The following SLC35F4 variants were observed in gnomAD, a reference collection of about 807,000 sequenced individuals.
SLC35F4 encodes the protein chromosome 14 open reading frame 36.
In SLC35F4, 24 loss-of-function variants were observed where a neutral mutation model predicts 44.2. The observed-to-expected ratio is 0.54, with a 90% CI of 0.39 to 0.76. SLC35F4 has a LOEUF of 0.76. Ranked by LOEUF, SLC35F4 falls within the 30% of genes least tolerant of loss-of-function variation. The pLI is 0.00. For missense variants in SLC35F4, 562 were observed against 586.1 expected, an observed-to-expected ratio of 0.96 and a Z score of 0.42; for synonymous variants, 238 against 223.6, an observed-to-expected ratio of 1.06 and a Z score of -0.57.
intron 4 of SLC35F4, among the ~76,000 whole-genome samples, chr14:57,573,876 T>G (rs2068645327): frequency 6.6e-6 from 1 of 152,214 alleles, no homozygotes; most frequent in Non-Finnish European, 1.5e-5. Context: ...GCATTGCATT[T>G]TCTAGGTCAA....
chr14:57,803,582 C>CTTT (rs532690276), intron 1 of SLC35F4, among the ~76,000 whole-genome samples: 1,163 of 79,272 alleles, frequency 0.015, 1 homozygote, highest in Non-Finnish European at 0.02. Context: ...AAAGCTTCTT[C>CTTT]TTTTTTTTTT....
rs565287478 is a variant in SLC35F4, at chr14:57,831,620, T to C, written c.103+34103A>G. Among the ~76,000 whole-genome samples the C allele has an allele frequency of 3.0e-4, 45 of 152,340 alleles. No homozygotes were observed. In the East Asian group the frequency reaches 7.7e-3, roughly 26 times the overall value. On this transcript the variant is annotated intron_variant, in intron 1 of 7. Coordinates refer to ENST00000556826, the MANE Select transcript of SLC35F4 (RefSeq NM_001306087.2). ...TAATCTATCCTGTGTTATTGTTTTCTGTGGAATTCTCAAGCAGCAAGAGGG... is the reference window on the plus strand; with the variant it reads ...TAATCTATCCTGTGTTATTGTTTTCCGTGGAATTCTCAAGCAGCAAGAGGG...
At chr14:57,650,153 T>C (rs1266871284) in intron 1 of SLC35F4, among the ~76,000 whole-genome samples, 2 of 152,096 alleles carry the variant, frequency 1.3e-5, no homozygotes, top group Non-Finnish European at 2.9e-5. Context: ...GTCCCTTCTC[T>C]ACTCTTCCTC....
intron 1 of SLC35F4, among the ~76,000 whole-genome samples, chr14:57,776,665 C>CAAAAAAAAAAAAAAAAAAAAAAAAAAA (rs57272978): frequency 1.4e-5 from 1 of 72,072 alleles, no homozygotes; most frequent in African/African-American, 4.6e-5. Context: ...GACTCCATCT[C>CAAAAAAAAAAAAAAAAAAAAAAAAAAA]AAAAAAAAAA....
intron 1 of SLC35F4, among the ~76,000 whole-genome samples, chr14:57,793,969 T>C (rs1162033545): frequency 6.6e-6 from 1 of 152,068 alleles, no homozygotes; most frequent in Non-Finnish European, 1.5e-5. Context: ...GGAAAGGACA[T>C]GCTATTCAAT....
At position 57,971,650 on chromosome 14, in the gene SLC35F4, C is replaced by A. The variant is rs547404359; in HGVS notation, n.282+10263G>T. Reference sequence around the variant, plus strand: ...TAATCTAGACACAGAAAAATAAACACAGTACTGTATGAGCTCACTTATAAG... The same window carrying A: ...TAATCTAGACACAGAAAAATAAACAAAGTACTGTATGAGCTCACTTATAAG... On this transcript the variant is annotated intron_variant and non_coding_transcript_variant, in intron 1 of 1. Coordinates refer to the SLC35F4 transcript ENST00000556568. Among the ~76,000 whole-genome samples, 4 of 152,170 alleles carry A rather than the reference C, an allele frequency of 2.6e-5. No individual in the cohort carries two copies. The East Asian group carries it at 7.7e-4, about 29-fold the overall frequency.
intron 1 of SLC35F4, among the ~76,000 whole-genome samples, chr14:57,681,439 T>C (rs1715417457): frequency 6.6e-6 from 1 of 152,074 alleles, no homozygotes; most frequent in African/African-American, 2.4e-5. Context: ...ACCTAGGCCA[T>C]GACATTCAGG....
intron 1 of SLC35F4, among the ~76,000 whole-genome samples, chr14:57,825,280 C>G (rs1295089509): frequency 2.6e-5 from 4 of 151,972 alleles, no homozygotes; most frequent in African/African-American, 9.7e-5. Context: ...ATGCTTAAGC[C>G]TTAGAAATGT....
chr14:57,927,468 T>G (rs1281029322), intron 1 of SLC35F4, among the ~76,000 whole-genome samples: 6 of 120,064 alleles, frequency 5.0e-5, no homozygotes, highest in South Asian at 2.4e-4. Context: ...GTGGTTTGAG[T>G]TTTTTTTTTT....
chr14:57,857,431 C>G (rs1162218162), intron 1 of SLC35F4, among the ~76,000 whole-genome samples: 1 of 152,036 alleles, frequency 6.6e-6, no homozygotes, highest in South Asian at 2.1e-4. Context: ...CTATTTGATT[C>G]ATTCATTGCT....
intron 1 of SLC35F4, among the ~76,000 whole-genome samples, chr14:57,923,485 G>C (rs1160731865): frequency 6.6e-6 from 1 of 152,206 alleles, no homozygotes; most frequent in African/African-American, 2.4e-5. Flanking sequence ...CTAGCTCCTG[G>C]AAATACAGAA....
chr14:57,610,579 G>A (rs17724306), intron 1 of SLC35F4, among the ~76,000 whole-genome samples: 3,404 of 152,292 alleles, frequency 0.022, 54 homozygotes, highest in Non-Finnish European at 0.031. Flanking sequence ...TCTCAGCTCA[G>A]GATTCACTTT....
rs547967717 is a variant in SLC35F4, at chr14:57,863,971, T to C, written c.103+1752A>G. Among the ~76,000 whole-genome samples the C allele has an allele frequency of 1.3e-3, 194 of 152,344 alleles. 1 individual carries two copies. The highest frequency in any genetic ancestry group is 2.3e-3 in the Non-Finnish European group (158 of 68,034). Reference sequence around the variant, plus strand: ...TTTTGTCCTGTTATTGTGTTGCAAATGAAGCATGTGCAGCTATTTGAGCAA... The same window carrying C: ...TTTTGTCCTGTTATTGTGTTGCAAACGAAGCATGTGCAGCTATTTGAGCAA... On this transcript the variant is annotated intron_variant, in intron 1 of 7. Transcript: ENST00000556826.
intron 1 of SLC35F4, among the ~76,000 whole-genome samples, chr14:57,916,538 A>AT (rs1704248076): frequency 6.6e-6 from 1 of 152,094 alleles, no homozygotes; most frequent in Admixed American, 6.6e-5. Flanking sequence ...CTGGGGGGAA[A>AT]TTCTTAGTCA....
intron 1 of SLC35F4, among the ~76,000 whole-genome samples, chr14:57,933,722 A>T (rs1272021528): frequency 6.6e-6 from 1 of 152,200 alleles, no homozygotes; most frequent in Non-Finnish European, 1.5e-5. Flanking sequence ...AAATAGAACC[A>T]AATGGGAAGA....
chr14:57,929,395 T>G (rs11851346), intron 1 of SLC35F4, among the ~76,000 whole-genome samples: 5,635 of 152,104 alleles, frequency 0.037, 349 homozygotes, highest in African/African-American at 0.13. Flanking sequence ...AAACATTTAT[T>G]TGGGTTTTCC....
chr14:57,695,189 G>C (rs1002841297), intron 1 of SLC35F4, among the ~76,000 whole-genome samples: 11 of 152,118 alleles, frequency 7.2e-5, no homozygotes, highest in South Asian at 4.1e-4. Flanking sequence ...TTAAACTAAA[G>C]AGCTTCTGCA....
intron 1 of SLC35F4, among the ~76,000 whole-genome samples, chr14:57,598,492 G>A (rs2070623552): frequency 6.6e-6 from 1 of 152,212 alleles, no homozygotes; most frequent in Admixed American, 6.5e-5. Flanking sequence ...TAAAAAGATT[G>A]AGTATAAGAT....
At chr14:57,753,727 A>G (rs2076935064) in intron 1 of SLC35F4, among the ~76,000 whole-genome samples, 1 of 152,130 alleles carries the variant, frequency 6.6e-6, no homozygotes, top group Non-Finnish European at 1.5e-5. Flanking sequence ...CCCTTCTTCC[A>G]GGCTACCCAA....
Sources: allele counts gnomAD v4.1 joint callset (sites outside exome capture counted in the v4.1 genomes callset), GRCh38; gene constraint gnomAD v4.1.1; transcripts MANE v1.5; gene names NCBI Gene and HGNC (gene_info 2026-07-23, HGNC 2026-07-21).